OR9Q1: variants seen among roughly 807,000 people sequenced by gnomAD.
OR9Q1 encodes olfactory receptor family 9 subfamily Q member 1.
For synonymous variants in OR9Q1, 153 were observed against 148.6 expected, an observed-to-expected ratio of 1.03 and a Z score of -0.22; for missense variants, 374 against 378.8, an observed-to-expected ratio of 0.99 and a Z score of 0.11.
At chr11:58,098,121 T>C (rs1270802876) in intron 2 of OR9Q1, among the ~76,000 whole-genome samples, 3 of 152,226 alleles carry the variant, frequency 2.0e-5, no homozygotes, top group South Asian at 2.1e-4. Context: ...TTTCCTCTTC[T>C]ATTTTTTGAA....
At chr11:58,099,240 C>T (rs1045303869) in intron 2 of OR9Q1, among the ~76,000 whole-genome samples, 2 of 148,352 alleles carry the variant, frequency 1.3e-5, no homozygotes, top group Admixed American at 6.7e-5. Context: ...TTTTTGCCTA[C>T]TCTTTCTATA....
intron 2 of OR9Q1, among the ~76,000 whole-genome samples, chr11:58,114,228 CAA>C (rs1447534554): frequency 6.6e-6 from 1 of 152,188 alleles, no homozygotes; most frequent in Non-Finnish European, 1.5e-5. Context: ...CCAAACAACC[CAA>C]TTAAGACCAT....
At chr11:58,179,000 GAGAA>G (rs935428060) in intron 2 of OR9Q1, among the ~76,000 whole-genome samples, 7 of 119,518 alleles carry the variant, frequency 5.9e-5, no homozygotes, top group Admixed American at 1.9e-4. Flanking sequence ...GAGAGAGAGA[GAGAA>G]AGAAAGAAAG....
intron 2 of OR9Q1, among the ~76,000 whole-genome samples, chr11:58,154,510 C>T (rs1384626166): frequency 1.3e-5 from 2 of 151,782 alleles, no homozygotes; most frequent in African/African-American, 2.4e-5. Flanking sequence ...AAATGCACAG[C>T]CCAAGAGAGA....
intron 2 of OR9Q1, among the ~76,000 whole-genome samples, chr11:58,098,955 C>T (rs1276868154): frequency 6.6e-6 from 1 of 152,018 alleles, no homozygotes; most frequent in Non-Finnish European, 1.5e-5. Context: ...TTCATCCATG[C>T]ATGAGTTATT....
rs1854641624 is a variant in OR9Q1 at position 58,179,707 on chromosome 11, A to G, written c.263A>G (p.His88Arg). The G allele has an allele frequency of 2.5e-6, 4 of 1,614,054 alleles. No homozygotes were observed. The highest frequency in any genetic ancestry group is 3.3e-5 in the Admixed American group (2 of 60,000). The change falls in exon 3 of 3, where the codon CAT (histidine) becomes CGT (arginine). Residue 88 changes from histidine (H) to arginine (R), a missense_variant. By Grantham distance (29) the His-to-Arg change is conservative (BLOSUM62 0). Coordinates refer to ENST00000335397, the MANE Select transcript of OR9Q1 (RefSeq NM_001005212.4). ...CAGATGCTGGCAGTGCTGCTGGAGC[A>G]TGGGGCAGCTTTATCTTACACACGC... Reference protein sequence around the residue: ...VPQMLAVLLEHGAALSYTRCA... With the variant: ...VPQMLAVLLERGAALSYTRCA...
At chr11:58,118,984 G>T (rs952129561) in intron 2 of OR9Q1, 2 of 1,613,786 alleles carry the variant, frequency 1.2e-6, no homozygotes, top group Non-Finnish European at 1.7e-6. Flanking sequence ...GATGGCTCCT[G>T]ACACCCCACA....
At chr11:58,030,877 C>A in intron 1 of OR9Q1, 1 of 881,576 alleles carries the variant, frequency 1.1e-6, no homozygotes, top group Non-Finnish European at 1.8e-6. Flanking sequence ...AGTACAACAT[C>A]CTCCAACCTC....
chr11:58,178,679 T>C (rs1453082750), intron 2 of OR9Q1, among the ~76,000 whole-genome samples: 2 of 151,854 alleles, frequency 1.3e-5, no homozygotes, highest in Admixed American at 1.3e-4. Context: ...CGGCTCAGAA[T>C]GGCTATCTGG....
chr11:58,064,347 C>A (rs951888799), intron 2 of OR9Q1, among the ~76,000 whole-genome samples: 6 of 152,176 alleles, frequency 3.9e-5, no homozygotes, highest in South Asian at 4.1e-4. Flanking sequence ...AGGGAAGTAA[C>A]CTTTTTGAGG....
At chr11:58,154,504 G>A (rs1217262261) in intron 2 of OR9Q1, among the ~76,000 whole-genome samples, 2 of 151,366 alleles carry the variant, frequency 1.3e-5, no homozygotes, top group African/African-American at 4.9e-5. Flanking sequence ...AGGGTTAAAT[G>A]CACAGCCCAA....
intron 1 of OR9Q1, among the ~76,000 whole-genome samples, chr11:58,037,781 C>T (rs1344489217): frequency 1.2e-4 from 15 of 128,456 alleles, no homozygotes; most frequent in South Asian, 5.1e-4. Context: ...TGCAGTGGCG[C>T]GATCTCGGCT....
intron 2 of OR9Q1, among the ~76,000 whole-genome samples, chr11:58,103,565 TG>T (rs1478205887): frequency 1.3e-5 from 2 of 152,200 alleles, no homozygotes; most frequent in Non-Finnish European, 2.9e-5. Flanking sequence ...ATTAATATTT[TG>T]TTTTTTTTTA....
chr11:58,107,520 A>G (rs574840933), intron 2 of OR9Q1, among the ~76,000 whole-genome samples: 1 of 152,278 alleles, frequency 6.6e-6, no homozygotes, highest in East Asian at 1.9e-4. Flanking sequence ...ATTGATGGAC[A>G]TTTGGGTAGG....
At chr11:58,103,500 G>C (rs777634644) in intron 2 of OR9Q1, among the ~76,000 whole-genome samples, 1 of 151,856 alleles carries the variant, frequency 6.6e-6, no homozygotes, top group African/African-American at 2.4e-5. Context: ...TTATTTTCCT[G>C]ATTTTGTTGA....
chr11:58,164,211 ATAAAAT>A (rs1450696266), intron 2 of OR9Q1, among the ~76,000 whole-genome samples: 2 of 152,096 alleles, frequency 1.3e-5, no homozygotes, highest in Admixed American at 6.6e-5. Context: ...GAAGAGAATG[ATAAAAT>A]TAAATCCTTC....
chr11:58,135,887 A>T (rs1415866607), intron 2 of OR9Q1, among the ~76,000 whole-genome samples: 1 of 152,196 alleles, frequency 6.6e-6, no homozygotes, highest in Non-Finnish European at 1.5e-5. Context: ...ATCCCTTGCA[A>T]GTGAACACTT....
intron 2 of OR9Q1, among the ~76,000 whole-genome samples, chr11:58,137,936 A>G (rs1304102575): frequency 6.6e-6 from 1 of 152,232 alleles, no homozygotes; most frequent in Non-Finnish European, 1.5e-5. Context: ...TTTTAAGAGC[A>G]GAAGAGAGAC....
intron 2 of OR9Q1, among the ~76,000 whole-genome samples, chr11:58,148,190 A>G (rs1355469268): frequency 1.3e-5 from 2 of 152,296 alleles, no homozygotes; most frequent in South Asian, 2.1e-4. Flanking sequence ...TATTAAGTTG[A>G]TTGAGTGTAG....
Sources: gnomAD v4.1 joint callset for allele counts (sites outside exome capture counted in the v4.1 genomes callset) on GRCh38, gnomAD v4.1.1 for gene constraint, MANE v1.5 for transcripts, NCBI Gene and HGNC (gene_info 2026-07-23, HGNC 2026-07-21) for gene names.